The following NCKAP5 variants were observed in gnomAD, a reference collection of about 807,000 sequenced individuals.
NCKAP5 encodes the protein nck-associated protein 5.
In NCKAP5, 92 loss-of-function variants were observed where a neutral mutation model predicts 167.0. The observed-to-expected ratio is 0.55, with a 90% CI of 0.47 to 0.66. NCKAP5 has a LOEUF of 0.66. NCKAP5 is among the 30% of genes least tolerant of loss of function. The pLI is 0.00. For missense variants in NCKAP5, 2,378 were observed against 2,315.0 expected, an observed-to-expected ratio of 1.03 and a Z score of -0.56; for synonymous variants, 891 against 877.4, an observed-to-expected ratio of 1.02 and a Z score of -0.27.
upstream of NCKAP5, among the ~76,000 whole-genome samples, chr2:133,570,782 C>T (rs925661922): frequency 6.6e-6 from 1 of 152,166 alleles, no homozygotes; most frequent in African/African-American, 2.4e-5. Context: ...TGACCAGCTC[C>T]TTGTCATGGC....
intron 3 of NCKAP5, among the ~76,000 whole-genome samples, chr2:133,312,244 G>A (rs749881513): frequency 6.6e-6 from 1 of 152,154 alleles, no homozygotes; most frequent in Non-Finnish European, 1.5e-5. Flanking sequence ...GAAAAGCCTC[G>A]TGACCTGTTA....
chr2:133,012,216 T>C (rs1442960507), intron 6 of NCKAP5, among the ~76,000 whole-genome samples: 1 of 152,196 alleles, frequency 6.6e-6, no homozygotes, highest in African/African-American at 2.4e-5. Context: ...AACTTCAATC[T>C]GACTTTCCCC....
At chr2:133,132,236 G>A (rs1353128453) in intron 5 of NCKAP5, among the ~76,000 whole-genome samples, 5 of 150,286 alleles carry the variant, frequency 3.3e-5, no homozygotes, top group African/African-American at 4.9e-5. Flanking sequence ...GCAGTGAGCC[G>A]AGATTACACC....
Position 133,137,269 on chromosome 2 carries a change from G to A in NCKAP5, c.208-7158C>T, listed in dbSNP as rs77981457. Among the ~76,000 whole-genome samples, 929 of 152,120 alleles carry A rather than the reference G, an allele frequency of 6.1e-3. 3 individuals are homozygous for A. The highest frequency in any genetic ancestry group is 0.021 in the African/African-American group (874 of 41,478). The stretch of plus-strand genomic sequence containing the variant: ...TGATTTTTTAAAAACCCGTACTCTT[G>A]GCTGTAACAGAAGAATCAGAATCAG... On this transcript the variant is annotated intron_variant, in intron 5 of 19. Transcript: ENST00000409261.
intron 8 of NCKAP5, among the ~76,000 whole-genome samples, chr2:132,923,308 G>A (rs183630875): frequency 1.6e-4 from 25 of 152,294 alleles, no homozygotes; most frequent in Admixed American, 1.2e-3. Flanking sequence ...ATGAGAAAAT[G>A]CAGAGAATAC....
chr2:132,673,863 A>T (rs1331469192), intron 19 of NCKAP5, among the ~76,000 whole-genome samples: 1 of 126,488 alleles, frequency 7.9e-6, no homozygotes, highest in African/African-American at 3.0e-5. Context: ...AGATCCCAGA[A>T]GGCCCAAGGG....
At chr2:133,648,306 A>G in the NCKAP5 span, among the ~76,000 whole-genome samples, 1 of 152,136 alleles carries the variant, frequency 6.6e-6, no homozygotes, top group African/African-American at 2.4e-5. Context: ...CAACACAATA[A>G]TAGTAAGAAA....
chr2:132,978,138 T>G (rs1050298265), intron 7 of NCKAP5, among the ~76,000 whole-genome samples: 33 of 152,162 alleles, frequency 2.2e-4, no homozygotes, highest in African/African-American at 8.0e-4. Flanking sequence ...AGAATATGTA[T>G]GTGAAAAAGC....
At chr2:133,273,955 C>T (rs1355527755) in intron 4 of NCKAP5, among the ~76,000 whole-genome samples, 1 of 146,836 alleles carries the variant, frequency 6.8e-6, no homozygotes, top group African/African-American at 2.5e-5. Context: ...TGCCCTTAAC[C>T]TGATAAAGTT....
At chr2:133,670,067 G>A in the NCKAP5 span, among the ~76,000 whole-genome samples, 1 of 152,234 alleles carries the variant, frequency 6.6e-6, no homozygotes, top group Admixed American at 6.5e-5. Flanking sequence ...GAGGTTAAGA[G>A]CTAAAACATG....
chr2:133,618,951 T>C, the NCKAP5 span, among the ~76,000 whole-genome samples: 1 of 146,272 alleles, frequency 6.8e-6, no homozygotes, highest in Non-Finnish European at 1.5e-5. Context: ...GTGGCACATA[T>C]ACACCATGGA....
At chr2:133,428,096 C>T (rs1438751901) in intron 3 of NCKAP5, among the ~76,000 whole-genome samples, 1 of 151,950 alleles carries the variant, frequency 6.6e-6, no homozygotes, top group South Asian at 2.1e-4. Context: ...AAAGAACGGG[C>T]ACTAGGCAAA....
Position 133,314,062 on chromosome 2 carries a change from C to T in NCKAP5, c.70-10952G>A, listed in dbSNP as rs552297638. Reference sequence around the variant, plus strand: ...TTCATTCACTACAGTATATCAGGACCGCCTGAGCCTATGATTATCAATATC... The same window carrying T: ...TTCATTCACTACAGTATATCAGGACTGCCTGAGCCTATGATTATCAATATC... On this transcript the variant is annotated intron_variant, in intron 3 of 19. Transcript: ENST00000409261. Among the ~76,000 whole-genome samples, 12 of 152,218 alleles carry T rather than the reference C, an allele frequency of 7.9e-5. No homozygotes were observed. The East Asian group carries it at 2.1e-3, about 27-fold the overall frequency.
At chr2:133,651,236 G>T in the NCKAP5 span, among the ~76,000 whole-genome samples, 2 of 152,156 alleles carry the variant, frequency 1.3e-5, no homozygotes, top group African/African-American at 4.8e-5. Context: ...GAAAATATTT[G>T]CAAATCACAT....
chr2:132,808,671 C>T (rs1685626550), intron 11 of NCKAP5, among the ~76,000 whole-genome samples: 1 of 152,020 alleles, frequency 6.6e-6, no homozygotes, highest in African/African-American at 2.4e-5. Flanking sequence ...GTTAATCTTG[C>T]TAATGGTCAA....
At chr2:133,638,656 G>A in the NCKAP5 span, among the ~76,000 whole-genome samples, 2 of 152,138 alleles carry the variant, frequency 1.3e-5, no homozygotes, top group East Asian at 1.9e-4. Flanking sequence ...TCAGGAGTTC[G>A]AGACCAGCTT....
chr2:133,415,020 T>C (rs902252188), intron 3 of NCKAP5, among the ~76,000 whole-genome samples: 5 of 152,212 alleles, frequency 3.3e-5, no homozygotes, highest in Admixed American at 1.3e-4. Context: ...GCTCACTCTA[T>C]GCTTAGCTGT....
intron 6 of NCKAP5, among the ~76,000 whole-genome samples, chr2:133,037,190 G>A (rs1438909064): frequency 1.3e-5 from 2 of 152,080 alleles, no homozygotes; most frequent in African/African-American, 2.4e-5. Context: ...TTCATGGATT[G>A]AAAGAATCAA....
intron 3 of NCKAP5, among the ~76,000 whole-genome samples, chr2:133,422,708 CT>C (rs1156280832): frequency 6.6e-6 from 1 of 152,138 alleles, no homozygotes; most frequent in Non-Finnish European, 1.5e-5. Context: ...GTTGATGGCT[CT>C]TTTAAATAAT....
Sources: allele counts gnomAD v4.1 joint callset (sites outside exome capture counted in the v4.1 genomes callset), GRCh38; gene constraint gnomAD v4.1.1; transcripts MANE v1.5; gene names NCBI Gene and HGNC (gene_info 2026-07-23, HGNC 2026-07-21).